Variants in HORMAD2 observed in about 807,000 individuals in gnomAD.
The protein encoded by HORMAD2 is HORMA domain-containing protein 2.
HORMAD2 carries 45 observed loss-of-function variants against 38.8 expected under a neutral mutation model. The observed-to-expected ratio is 1.16, with a 90% confidence interval of 0.91 to 1.49. HORMAD2 has a LOEUF of 1.49. Among genes scored for constraint, HORMAD2 ranks in the 40% most tolerant of loss-of-function variants. The pLI is 0.00. For missense variants in HORMAD2, 338 were observed against 367.0 expected (o/e 0.92, Z 0.65); for synonymous variants, 126 against 122.8 (o/e 1.03, Z -0.17).
chr22:30,184,138 T>C, the HORMAD2 span, among the ~76,000 whole-genome samples: 2 of 152,208 alleles, frequency 1.3e-5, no homozygotes, highest in Admixed American at 1.3e-4. Flanking sequence ...GTTTCACTGT[T>C]GCCTCCAAAG....
At chr22:30,132,145 G>A (rs1440891002) in intron 10 of HORMAD2, among the ~76,000 whole-genome samples, 3 of 152,128 alleles carry the variant, frequency 2.0e-5, no homozygotes, top group Non-Finnish European at 4.4e-5. Flanking sequence ...GATTTTCATA[G>A]CATCACATCT....
intron 2 of HORMAD2, among the ~76,000 whole-genome samples, chr22:30,097,571 A>G (rs146293892): frequency 0.01 from 1,559 of 152,306 alleles, 24 homozygotes; most frequent in African/African-American, 0.036. Context: ...AAAACATGGC[A>G]GTAGAATAGT....
the HORMAD2 span, among the ~76,000 whole-genome samples, chr22:30,193,088 C>T: frequency 6.6e-6 from 1 of 152,012 alleles, no homozygotes; most frequent in Admixed American, 6.5e-5. Flanking sequence ...AGCTGAAATA[C>T]AATAGTTATA....
At chr22:30,120,522 GTCCC>G (rs1003045409) in intron 8 of HORMAD2, among the ~76,000 whole-genome samples, 10 of 152,192 alleles carry the variant, frequency 6.6e-5, no homozygotes, top group African/African-American at 2.4e-4. Flanking sequence ...TATAGTCATG[GTCCC>G]TCCTGGAAAC....
chr22:30,193,671 T>C, the HORMAD2 span, among the ~76,000 whole-genome samples: 1 of 152,322 alleles, frequency 6.6e-6, no homozygotes, highest in East Asian at 1.9e-4. Flanking sequence ...TTTTTGGAAC[T>C]GAAAGACCAA....
intron 10 of HORMAD2, among the ~76,000 whole-genome samples, chr22:30,169,799 A>G (rs1366519735): frequency 6.6e-6 from 1 of 152,034 alleles, no homozygotes; most frequent in Non-Finnish European, 1.5e-5. Flanking sequence ...TCTATTTCCA[A>G]TCTTGGTCAA....
At chr22:30,184,605 A>G in the HORMAD2 span, 1 of 152,172 alleles carries the variant, frequency 6.6e-6, no homozygotes, top group Non-Finnish European at 1.5e-5. Context: ...ACATAGAATA[A>G]AAGAAAATAG....
intron 7 of HORMAD2, among the ~76,000 whole-genome samples, chr22:30,117,572 A>T (rs1922134713): frequency 6.6e-6 from 1 of 151,984 alleles, no homozygotes; most frequent in Non-Finnish European, 1.5e-5. Flanking sequence ...GCAGAGGAAC[A>T]GTCTAGGCTC....
chr22:30,181,894 C>T (rs1875793475), downstream of HORMAD2, among the ~76,000 whole-genome samples: 2 of 152,204 alleles, frequency 1.3e-5, no homozygotes, highest in African/African-American at 4.8e-5. Flanking sequence ...TTCCTTATCA[C>T]CGGAAGTGTT....
At chr22:30,167,229 G>A (rs765770999) in intron 10 of HORMAD2, among the ~76,000 whole-genome samples, 3 of 152,088 alleles carry the variant, frequency 2.0e-5, no homozygotes, top group Non-Finnish European at 4.4e-5. Flanking sequence ...GTCTTACAAG[G>A]ATACATCTGA....
At chr22:30,155,893 A>G (rs1257022256) in intron 10 of HORMAD2, among the ~76,000 whole-genome samples, 4 of 152,146 alleles carry the variant, frequency 2.6e-5, no homozygotes, top group Non-Finnish European at 5.9e-5. Flanking sequence ...TTCCTTGTAC[A>G]CATATAGACA....
chr22:30,082,636 T>C (rs2068502985), intron 1 of HORMAD2, among the ~76,000 whole-genome samples: 1 of 151,466 alleles, frequency 6.6e-6, no homozygotes, highest in Admixed American at 6.6e-5. Flanking sequence ...AATAAAAAAT[T>C]TTTAAAAATT....
the HORMAD2 span, among the ~76,000 whole-genome samples, chr22:30,195,918 GC>G: frequency 6.6e-6 from 1 of 152,162 alleles, no homozygotes; most frequent in African/African-American, 2.4e-5. Flanking sequence ...AACTGTTTGA[GC>G]CTTGTACTTA....
chr22:30,196,687 G>A, the HORMAD2 span, among the ~76,000 whole-genome samples: 1 of 152,184 alleles, frequency 6.6e-6, no homozygotes, highest in African/African-American at 2.4e-5. Context: ...AAGTCACTTT[G>A]TTTGTGAAAA....
chr22:30,175,669 A>G (rs1926411554), intron 10 of HORMAD2, among the ~76,000 whole-genome samples: 2 of 152,122 alleles, frequency 1.3e-5, no homozygotes, highest in African/African-American at 4.8e-5. Flanking sequence ...ACAAGGCAGT[A>G]TGTCTCTGCT....
chr22:30,165,921 C>A (rs140202636), intron 10 of HORMAD2, among the ~76,000 whole-genome samples: 1 of 151,538 alleles, frequency 6.6e-6, no homozygotes, highest in Non-Finnish European at 1.5e-5. Context: ...TGTTTCCCCT[C>A]ATTCTTCTTC....
chr22:30,195,143 A>T, the HORMAD2 span, among the ~76,000 whole-genome samples: 1 of 146,616 alleles, frequency 6.8e-6, no homozygotes, highest in Non-Finnish European at 1.5e-5. Flanking sequence ...CAGTGAGCTG[A>T]GATTGCGCCA....
intron 10 of HORMAD2, among the ~76,000 whole-genome samples, chr22:30,134,286 C>G (rs946767924): frequency 6.6e-6 from 1 of 151,410 alleles, no homozygotes. Flanking sequence ...GTAATCCCAA[C>G]TACTCGGTAG....
downstream of HORMAD2, among the ~76,000 whole-genome samples, chr22:30,177,326 T>C (rs1296132588): frequency 6.6e-6 from 1 of 152,116 alleles, no homozygotes; most frequent in African/African-American, 2.4e-5. Flanking sequence ...CTAAAGTGAA[T>C]CTCTGTAGGA....
Sources: allele counts gnomAD v4.1 joint callset (sites outside exome capture counted in the v4.1 genomes callset), GRCh38; gene constraint gnomAD v4.1.1; transcripts MANE v1.5; gene names NCBI Gene and HGNC (gene_info 2026-07-23, HGNC 2026-07-21).